APBA1: variants seen among roughly 807,000 people sequenced by gnomAD.
APBA1 encodes amyloid-beta A4 precursor protein-binding family A member 1.
A neutral mutation model predicts 86.6 loss-of-function variants in APBA1; 55 were observed. The observed-to-expected ratio is 0.64, with a 90% CI of 0.51 to 0.80. APBA1 has a LOEUF of 0.80. Ranked by LOEUF, APBA1 falls within the 30% of genes least tolerant of loss-of-function variation. The pLI is 0.00. For synonymous variants in APBA1, 511 were observed against 493.9 expected, an observed-to-expected ratio of 1.03 and a Z score of -0.46; for missense variants, 1,090 against 1,183.0, an observed-to-expected ratio of 0.92 and a Z score of 1.15.
intron 1 of APBA1, among the ~76,000 whole-genome samples, chr9:69,668,482 T>C (rs972840089): frequency 2.0e-5 from 3 of 152,136 alleles, no homozygotes; most frequent in Non-Finnish European, 4.4e-5. Context: ...ACTTTGACAA[T>C]AGAGTCTATC....
intron 1 of APBA1, among the ~76,000 whole-genome samples, chr9:69,529,877 G>A (rs1014308674): frequency 6.6e-6 from 1 of 152,040 alleles, no homozygotes; most frequent in African/African-American, 2.4e-5. Context: ...ATTAAAAACT[G>A]TGCAAATGAC....
At chr9:69,432,378 G>T (rs564114059) in intron 12 of APBA1, among the ~76,000 whole-genome samples, 158 bp downstream of exon 12, 3 of 152,286 alleles carry the variant, frequency 2.0e-5, no homozygotes, top group South Asian at 4.1e-4. Context: ...TAATGGGTTT[G>T]GCATTTGGTC....
chr9:69,504,657 G>C (rs1371401491), intron 2 of APBA1, among the ~76,000 whole-genome samples: 1 of 151,984 alleles, frequency 6.6e-6, no homozygotes, highest in Non-Finnish European at 1.5e-5. Flanking sequence ...CTCATCTGTT[G>C]GGGACTAGGG....
At chr9:69,625,544 C>T (rs1329737737) in intron 1 of APBA1, among the ~76,000 whole-genome samples, 1 of 152,036 alleles carries the variant, frequency 6.6e-6, no homozygotes, top group Non-Finnish European at 1.5e-5. Flanking sequence ...ATATGGAGAA[C>T]ACTGAGGTTG....
intron 1 of APBA1, among the ~76,000 whole-genome samples, chr9:69,522,086 C>CACACACAT (rs1836262082): frequency 6.7e-6 from 1 of 149,438 alleles, no homozygotes; most frequent in Non-Finnish European, 1.5e-5. Flanking sequence ...CACACACACA[C>CACACACAT]ATATATAAAT....
intron 1 of APBA1, among the ~76,000 whole-genome samples, chr9:69,578,110 T>C (rs1329224965): frequency 2.0e-5 from 3 of 152,174 alleles, no homozygotes. Context: ...TCCTCTAAAG[T>C]GAGAAGTTAA....
At chr9:69,500,244 C>T (rs1224219910) in intron 2 of APBA1, among the ~76,000 whole-genome samples, 1 of 152,118 alleles carries the variant, frequency 6.6e-6, no homozygotes, top group African/African-American at 2.4e-5. Flanking sequence ...TACTAAAGGC[C>T]AGCCCCCTAA....
chr9:69,570,930 C>A (rs1837105496), intron 1 of APBA1, among the ~76,000 whole-genome samples: 1 of 152,164 alleles, frequency 6.6e-6, no homozygotes, highest in Non-Finnish European at 1.5e-5. Context: ...TCAACAAGAA[C>A]AACGTCAGCC....
At position 69,430,341 on chromosome 9, in the gene APBA1, C is replaced by CAA. The variant is rs1834567571; in HGVS notation, c.*984_*985dup. 1 of 152,260 alleles carries CAA rather than the reference C, an allele frequency of 6.6e-6. No individual in the cohort carries two copies. Among genetic ancestry groups the CAA allele is most frequent in the Non-Finnish European group, 1.5e-5 (1 of 68,116 alleles). The allele number at this position is 152,260 out of a possible 1,614,324, so 9.4% of individuals were successfully genotyped here. On this transcript the variant is annotated 3_prime_UTR_variant, in exon 13 of 13. Coordinates refer to ENST00000265381, the MANE Select transcript of APBA1 (RefSeq NM_001163.4). ...AGTCCAGGAGGAGGATGCTTTAAGC[C>CAA]AAAGTGGTGCTGGAGGGGCTGGGCC...
chr9:69,517,139 C>A lies in APBA1; in HGVS notation c.72G>T (p.Ser24=). Residue 24 remains serine (S), a synonymous_variant, in exon 2 of 13, where the codon TCG becomes TCT. Transcript: ENST00000265381. ...DEAAGGEVNE[S]VEADLEHPEV... is the part of the protein sequence containing the mutation. The stretch of plus-strand genomic sequence containing the variant: ...CGGGGTGCTCCAGGTCGGCCTCCAC[C>A]GACTCGTTCACCTCCCCACCTGCCG... The A allele has an allele frequency of 6.4e-7, 1 of 1,567,886 alleles. No homozygotes were observed. Among genetic ancestry groups the A allele is most frequent in the Non-Finnish European group, 8.6e-7 (1 of 1,158,180 alleles).
chr9:69,487,816 A>G (rs1835636081), intron 2 of APBA1, among the ~76,000 whole-genome samples: 1 of 152,018 alleles, frequency 6.6e-6, no homozygotes, highest in South Asian at 2.1e-4. Flanking sequence ...AAAACAGACT[A>G]AGACACAACA....
chr9:69,623,541 T>C (rs1822868941), intron 1 of APBA1, among the ~76,000 whole-genome samples: 1 of 152,128 alleles, frequency 6.6e-6, no homozygotes, highest in Non-Finnish European at 1.5e-5. Context: ...AAGAAAATGC[T>C]CCCCAACCTC....
At position 69,467,988 on chromosome 9, in the gene APBA1, A is replaced by G. The variant is rs547468823; in HGVS notation, c.1337-20T>C. On this transcript the variant is annotated intron_variant, in intron 4 of 12. Coordinates refer to ENST00000265381, the MANE Select transcript of APBA1 (RefSeq NM_001163.4). Reference sequence around the variant, plus strand: ...CCGGAACTGTAACACATAGAGCCACAGTGAGGAAGCCATCCTGGGGTGGGG... The same window carrying G: ...CCGGAACTGTAACACATAGAGCCACGGTGAGGAAGCCATCCTGGGGTGGGG... 12 of 1,611,256 alleles carry G rather than the reference A, an allele frequency of 7.4e-6. No individual in the cohort carries two copies. Among genetic ancestry groups the G allele is most frequent in the South Asian group, 3.3e-5 (3 of 90,982 alleles).
chr9:69,645,826 G>A (rs575426671), intron 1 of APBA1, among the ~76,000 whole-genome samples: 2 of 152,282 alleles, frequency 1.3e-5, no homozygotes, highest in African/African-American at 4.8e-5. Flanking sequence ...CAGTTCTGGG[G>A]TTTGGTGTTG....
rs1834567786 is a variant in APBA1, at chr9:69,430,363, G to A, written c.*964C>T. ...AGCCAAAGTGGTGCTGGAGGGGCTG[G>A]GCCTCAGCGCAGAGAGGGCAGGTCT... On this transcript the variant is annotated 3_prime_UTR_variant, in exon 13 of 13. Coordinates refer to ENST00000265381, the MANE Select transcript of APBA1 (RefSeq NM_001163.4). 1.3e-5 allele frequency: 2 copies of A among 152,254 alleles called. No homozygotes were observed. The highest frequency in any genetic ancestry group is 6.5e-5 in the Admixed American group (1 of 15,278). 9.4% of individuals were successfully genotyped at this position (152,254 alleles called of 1,614,324 possible).
rs7032045 is a variant in APBA1 at position 69,500,263 on chromosome 9, G to A, written c.1200+15748C>T. Reference sequence around the variant, plus strand: ...AAAGGCCAGCCCCCTAATTCAGATCGCCAGTAACCAACCCCAAATGTTAAG... The same window carrying A: ...AAAGGCCAGCCCCCTAATTCAGATCACCAGTAACCAACCCCAAATGTTAAG... On this transcript the variant is annotated intron_variant, in intron 2 of 12. Coordinates refer to ENST00000265381, the MANE Select transcript of APBA1 (RefSeq NM_001163.4). Among the ~76,000 whole-genome samples the A allele has an allele frequency of 8.1e-3, 1,231 of 152,212 alleles. 26 individuals carry two copies. Among genetic ancestry groups the A allele is most frequent in the African/African-American group, 0.028 (1,173 of 41,532 alleles).
intron 1 of APBA1, among the ~76,000 whole-genome samples, chr9:69,641,656 CA>C (rs1006265158): frequency 4.0e-5 from 6 of 151,410 alleles, no homozygotes; most frequent in African/African-American, 1.5e-4. Context: ...ATAATCTTTT[CA>C]AAAAAGGGGT....
intron 1 of APBA1, among the ~76,000 whole-genome samples, chr9:69,585,353 C>T (rs1458243324): frequency 6.6e-6 from 1 of 152,202 alleles, no homozygotes; most frequent in Non-Finnish European, 1.5e-5. Flanking sequence ...CTGCCAGGAT[C>T]CTCTAAATGA....
At chr9:69,636,929 A>AGG (rs1564099008) in intron 1 of APBA1, among the ~76,000 whole-genome samples, 1,538 of 132,256 alleles carry the variant, frequency 0.012, 24 homozygotes, top group Non-Finnish European at 0.019. Flanking sequence ...GAAGGAAAGA[A>AGG]AGAAAGAAAG....
Sources: allele counts gnomAD v4.1 joint callset (sites outside exome capture counted in the v4.1 genomes callset), GRCh38; gene constraint gnomAD v4.1.1; transcripts MANE v1.5; gene names NCBI Gene and HGNC (gene_info 2026-07-23, HGNC 2026-07-21).